Variants in GPC6 observed in about 807,000 individuals in gnomAD.
GPC6 encodes the protein glypican 6.
In GPC6, 14 loss-of-function variants were observed where a neutral mutation model predicts 55.2. The observed-to-expected ratio is 0.25, with a 90% confidence interval of 0.17 to 0.40. The LOEUF (loss-of-function observed/expected upper bound fraction) is 0.40, where lower values mean the gene tolerates loss of function less well. Ranked by LOEUF, GPC6 falls within the 10% of genes least tolerant of loss-of-function variation. The pLI, the probability that GPC6 is intolerant of heterozygous loss-of-function variation, is 1.00. For synonymous variants in GPC6, 278 were observed against 259.6 expected (o/e 1.07, Z -0.68); for missense variants, 641 against 708.5 (o/e 0.90, Z 1.08).
chr13:94,053,106 T>C (rs1265762300), intron 4 of GPC6, among the ~76,000 whole-genome samples: 9 of 152,178 alleles, frequency 5.9e-5, no homozygotes, highest in Admixed American at 5.9e-4. Flanking sequence ...CTGTCATGGG[T>C]AATTGACAGA....
intron 7 of GPC6, among the ~76,000 whole-genome samples, chr13:94,396,617 G>A (rs1022227351): frequency 1.3e-5 from 2 of 152,212 alleles, no homozygotes; most frequent in Non-Finnish European, 2.9e-5. Flanking sequence ...GTGAGGATAG[G>A]CCTGGGTCTT....
intron 2 of GPC6, among the ~76,000 whole-genome samples, chr13:93,695,286 G>A (rs1157037879): frequency 2.0e-5 from 3 of 151,972 alleles, no homozygotes; most frequent in African/African-American, 7.2e-5. Flanking sequence ...TTTTAAAATT[G>A]TGTTTCTCAG....
At chr13:93,824,773 G>A (rs1440845793) in intron 2 of GPC6, among the ~76,000 whole-genome samples, 1 of 151,702 alleles carries the variant, frequency 6.6e-6, no homozygotes, top group Non-Finnish European at 1.5e-5. Flanking sequence ...TCTCTGAGGC[G>A]GGCCCACAAA....
intron 1 of GPC6, among the ~76,000 whole-genome samples, chr13:93,324,673 A>G (rs1466452530): frequency 6.6e-6 from 1 of 150,454 alleles, no homozygotes; most frequent in Non-Finnish European, 1.5e-5. Flanking sequence ...AAAATTAAAA[A>G]TAAAAATTTT....
intron 4 of GPC6, among the ~76,000 whole-genome samples, chr13:94,277,381 G>A (rs550452256): frequency 1.3e-5 from 2 of 151,836 alleles, no homozygotes; most frequent in East Asian, 3.9e-4. Flanking sequence ...TCTGTAGTTT[G>A]CTTGTTCACT....
rs7329012 is a variant in GPC6 at position 93,874,908 on chromosome 13, T to C, written c.711+44363T>C. Among the ~76,000 whole-genome samples the C allele has an allele frequency of 4.6e-3, 701 of 152,132 alleles. 7 individuals are homozygous for C. Among genetic ancestry groups the C allele is most frequent in the African/African-American group, 0.016 (672 of 41,548 alleles). On this transcript the variant is annotated intron_variant, in intron 3 of 8. Coordinates refer to ENST00000377047, the MANE Select transcript of GPC6 (RefSeq NM_005708.5). ...TATCTAAAATCATCACATATAATTT[T>C]GTGCTTATCTTAACGTACTTCACTC... is the stretch of plus-strand genomic sequence containing the variant.
At chr13:94,230,748 A>G (rs1234637298) in intron 4 of GPC6, among the ~76,000 whole-genome samples, 1 of 152,204 alleles carries the variant, frequency 6.6e-6, no homozygotes, top group African/African-American at 2.4e-5. Flanking sequence ...AGCCTAGCGT[A>G]TAAATGCATA....
intron 2 of GPC6, among the ~76,000 whole-genome samples, chr13:93,667,967 G>T (rs1414291889): frequency 6.6e-6 from 1 of 152,076 alleles, no homozygotes; most frequent in African/African-American, 2.4e-5. Flanking sequence ...CATTTGACTT[G>T]CATGATAGAC....
intron 6 of GPC6, among the ~76,000 whole-genome samples, chr13:94,327,663 T>C (rs1021112327): frequency 2.0e-5 from 3 of 151,858 alleles, no homozygotes; most frequent in Non-Finnish European, 2.9e-5. Flanking sequence ...GTGGTCACAT[T>C]GACTAAAAAT....
At chr13:94,296,759 T>C (rs1279580420) in intron 5 of GPC6, among the ~76,000 whole-genome samples, 4 of 152,210 alleles carry the variant, frequency 2.6e-5, no homozygotes, top group Non-Finnish European at 4.4e-5. Context: ...TATTTCAAAC[T>C]ACCAACATAA....
chr13:93,482,711 A>G (rs1309427130), intron 1 of GPC6, among the ~76,000 whole-genome samples: 1 of 152,204 alleles, frequency 6.6e-6, no homozygotes, highest in Non-Finnish European at 1.5e-5. Flanking sequence ...AATGTTTAAA[A>G]TATACTGGGA....
At chr13:93,491,503 G>C (rs1880002789) in intron 1 of GPC6, among the ~76,000 whole-genome samples, 1 of 86,524 alleles carries the variant, frequency 1.2e-5, no homozygotes, top group Admixed American at 1.3e-4. Context: ...TTCTTTTGCT[G>C]TGCAGAAGCT....
chr13:93,721,978 T>G (rs919017958), intron 2 of GPC6, among the ~76,000 whole-genome samples: 10 of 151,892 alleles, frequency 6.6e-5, no homozygotes, highest in Admixed American at 1.3e-4. Flanking sequence ...AGATTTTTAA[T>G]ATTTAAGATA....
chr13:94,081,635 TG>T (rs1885098048), intron 4 of GPC6, among the ~76,000 whole-genome samples: 1 of 152,104 alleles, frequency 6.6e-6, no homozygotes, highest in Non-Finnish European at 1.5e-5. Context: ...TAGGCAAAGT[TG>T]ACATTGGAAA....
intron 1 of GPC6, among the ~76,000 whole-genome samples, chr13:93,524,599 G>A (rs771517053): frequency 6.6e-6 from 1 of 152,016 alleles, no homozygotes; most frequent in South Asian, 2.1e-4. Context: ...CTTTATTCAA[G>A]TCACTTTAGT....
chr13:93,360,451 G>A (rs1017215266), intron 1 of GPC6, among the ~76,000 whole-genome samples: 1 of 152,098 alleles, frequency 6.6e-6, no homozygotes, highest in Non-Finnish European at 1.5e-5. Context: ...GAGCAATACA[G>A]AATGAGAGGT....
chr13:93,505,431 G>GCATA (rs1555306121), intron 1 of GPC6, among the ~76,000 whole-genome samples: 196 of 109,916 alleles, frequency 1.8e-3, no homozygotes, highest in Middle Eastern at 5.8e-3. Flanking sequence ...TCACACACGT[G>GCATA]CACACACACA....
At chr13:93,655,986 C>A (rs1310554221) in intron 2 of GPC6, among the ~76,000 whole-genome samples, 1 of 152,050 alleles carries the variant, frequency 6.6e-6, no homozygotes, top group East Asian at 1.9e-4. Flanking sequence ...TGCTAATATT[C>A]ATATCCATCT....
chr13:94,011,070 A>G (rs923252871), intron 3 of GPC6, among the ~76,000 whole-genome samples: 2 of 152,202 alleles, frequency 1.3e-5, no homozygotes, highest in Non-Finnish European at 2.9e-5. Context: ...GATATGCAAT[A>G]ACGCATTCTC....
Sources: gnomAD v4.1 joint callset for allele counts (sites outside exome capture counted in the v4.1 genomes callset) on GRCh38, gnomAD v4.1.1 for gene constraint, MANE v1.5 for transcripts, NCBI Gene and HGNC (gene_info 2026-07-23, HGNC 2026-07-21) for gene names.